TMEM131L: variants seen among roughly 807,000 people sequenced by gnomAD.
TMEM131L encodes the protein transmembrane 131 like.
A neutral mutation model predicts 192.2 loss-of-function variants in TMEM131L; 54 were observed. The observed-to-expected ratio is 0.28, with a 90% CI of 0.23 to 0.35. TMEM131L has a LOEUF of 0.35. Ranked by LOEUF, TMEM131L falls within the 10% of genes least tolerant of loss-of-function variation. The probability of loss-of-function intolerance (pLI) is 1.00; values close to 1 mark genes in which losing one functional copy is unlikely to be tolerated. For missense variants in TMEM131L, 1,888 were observed against 1,972.9 expected, an observed-to-expected ratio of 0.96 and a Z score of 0.82; for synonymous variants, 701 against 704.9, an observed-to-expected ratio of 0.99 and a Z score of 0.09.
chr4:153,496,001 A>G (rs1733145662), intron 3 of TMEM131L, among the ~76,000 whole-genome samples: 1 of 152,306 alleles, frequency 6.6e-6, no homozygotes, highest in African/African-American at 2.4e-5. Flanking sequence ...CCCTGGCCAG[A>G]AAAGAAGTCT....
intron 29 of TMEM131L, among the ~76,000 whole-genome samples, chr4:153,624,451 A>G (rs749172210): frequency 1.1e-4 from 16 of 152,198 alleles, no homozygotes; most frequent in Admixed American, 3.3e-4. Flanking sequence ...CTTTACATCT[A>G]TATGAAGATG....
chr4:153,610,626 C>A (rs889199185), intron 25 of TMEM131L, among the ~76,000 whole-genome samples: 6 of 152,112 alleles, frequency 3.9e-5, no homozygotes, highest in Non-Finnish European at 7.4e-5. Flanking sequence ...TTCTGTTAAC[C>A]AAATAAAAGT....
intron 31 of TMEM131L, among the ~76,000 whole-genome samples, chr4:153,629,019 T>C (rs570638400): frequency 1.3e-5 from 2 of 152,156 alleles, no homozygotes; most frequent in African/African-American, 4.8e-5. Context: ...CCTGATCCAT[T>C]GTTACAGTCA....
intron 3 of TMEM131L, among the ~76,000 whole-genome samples, chr4:153,507,812 G>A (rs1734090561): frequency 6.6e-6 from 1 of 152,128 alleles, no homozygotes; most frequent in Non-Finnish European, 1.5e-5. Flanking sequence ...GGTGCATCTA[G>A]TGGCCATGTT....
chr4:153,589,184 C>T (rs1458151758), intron 16 of TMEM131L, among the ~76,000 whole-genome samples, 177 bp downstream of exon 16: 1 of 152,062 alleles, frequency 6.6e-6, no homozygotes, highest in African/African-American at 2.4e-5. Flanking sequence ...CATAATTTCA[C>T]AAATAGAAGA....
intron 3 of TMEM131L, among the ~76,000 whole-genome samples, chr4:153,533,905 AAAAG>A (rs1736111706): frequency 6.6e-6 from 1 of 152,228 alleles, no homozygotes; most frequent in Non-Finnish European, 1.5e-5. Flanking sequence ...TTTAAGCTGA[AAAAG>A]AAATATAACC....
At chr4:153,566,038 A>G (rs903514314) in intron 7 of TMEM131L, among the ~76,000 whole-genome samples, 1 of 152,170 alleles carries the variant, frequency 6.6e-6, no homozygotes, top group Non-Finnish European at 1.5e-5. Flanking sequence ...TTAGCCATAT[A>G]CTTTGTCTGA....
chr4:153,471,265 T>G (rs1731142020), intron 2 of TMEM131L, among the ~76,000 whole-genome samples: 1 of 152,148 alleles, frequency 6.6e-6, no homozygotes, highest in South Asian at 2.1e-4. Context: ...AGATTACAGG[T>G]GTGAGTCACC....
intron 7 of TMEM131L, among the ~76,000 whole-genome samples, chr4:153,570,738 C>T (rs1241511142): frequency 6.6e-6 from 1 of 152,156 alleles, no homozygotes; most frequent in African/African-American, 2.4e-5. Context: ...GGGTGGTTTC[C>T]ATTGCCTCTC....
chr4:153,627,298 G>T (rs915301402), intron 30 of TMEM131L, among the ~76,000 whole-genome samples: 4 of 152,092 alleles, frequency 2.6e-5, no homozygotes, highest in African/African-American at 9.7e-5. Flanking sequence ...AATACAGACA[G>T]GTGGCTACCT....
intron 3 of TMEM131L, among the ~76,000 whole-genome samples, chr4:153,501,577 G>A (rs1454847250): frequency 6.6e-6 from 1 of 152,010 alleles, no homozygotes; most frequent in Non-Finnish European, 1.5e-5. Flanking sequence ...GGAGTCTCAG[G>A]GTATGTGTGC....
rs1729134728 is a variant in TMEM131L, at chr4:153,565,552, C to G, written c.660+7184C>G. Among the ~76,000 whole-genome samples, 3 of 152,186 alleles carry G rather than the reference C, an allele frequency of 2.0e-5. No individual in the cohort carries two copies. The South Asian group carries it at 6.2e-4, about 32-fold the overall frequency. On this transcript the variant is annotated intron_variant, in intron 7 of 34. Coordinates refer to ENST00000409959, the MANE Select transcript of TMEM131L (RefSeq NM_001131007.2). Reference sequence around the variant, plus strand: ...ACATTTTGGTCCTTGGCAGTGCCAGCTCAGTATGCTTTAAATTTTTCCCAA... The same window carrying G: ...ACATTTTGGTCCTTGGCAGTGCCAGGTCAGTATGCTTTAAATTTTTCCCAA...
At chr4:153,629,897 A>G (rs1053298109) in intron 31 of TMEM131L, among the ~76,000 whole-genome samples, 13 of 152,148 alleles carry the variant, frequency 8.5e-5, no homozygotes, top group African/African-American at 3.1e-4. Flanking sequence ...TGGTGATCTC[A>G]TCCACTTTCA....
At chr4:153,470,911 A>G (rs1043985352) in intron 2 of TMEM131L, among the ~76,000 whole-genome samples, 9 of 149,392 alleles carry the variant, frequency 6.0e-5, no homozygotes, top group African/African-American at 1.7e-4. Context: ...GTCCTTCCTG[A>G]CTCCTGCCCT....
chr4:153,597,954 T>TA (rs1003546061), intron 20 of TMEM131L, among the ~76,000 whole-genome samples: 4 of 151,320 alleles, frequency 2.6e-5, no homozygotes, highest in African/African-American at 7.3e-5. Flanking sequence ...AATAAAAATT[T>TA]AAAAAAAAAT....
chr4:153,623,222 T>G (rs1349742640), intron 29 of TMEM131L, 139 bp downstream of exon 29: 5 of 669,716 alleles, frequency 7.5e-6, no homozygotes, highest in Non-Finnish European at 1.1e-5. Flanking sequence ...TGCTTTGGAC[T>G]TACTCACTTT....
intron 3 of TMEM131L, among the ~76,000 whole-genome samples, chr4:153,502,548 A>G (rs1228734529): frequency 6.6e-6 from 1 of 152,210 alleles, no homozygotes; most frequent in Non-Finnish European, 1.5e-5. Flanking sequence ...ATTATGTGTA[A>G]ACTAATCATT....
rs1049669441 is a variant in TMEM131L, at chr4:153,627,637, C to T, written c.4157C>T (p.Pro1386Leu). 6 of 1,614,026 alleles carry T rather than the reference C, an allele frequency of 3.7e-6. No individual in the cohort carries two copies. In the South Asian group the frequency reaches 4.4e-5, roughly 12 times the overall value. Reference sequence around the variant, plus strand: ...AATAGTCTCCCACAATACGCAGAGCCTTCCTGTCCCAGCCTTCCTGCCGGG... The same window carrying T: ...AATAGTCTCCCACAATACGCAGAGCTTTCCTGTCCCAGCCTTCCTGCCGGG... ...TVNSLPQYAE[P>L]SCPSLPAGPT... Residue 1386 changes from proline (P) to leucine (L), a missense_variant, in exon 31 of 35, where the codon CCT becomes CTT. Physicochemically the swap from Pro to Leu is moderately conservative, Grantham distance 98 (BLOSUM62 -3). Coordinates refer to ENST00000409959, the MANE Select transcript of TMEM131L (RefSeq NM_001131007.2).
At chr4:153,485,368 G>T (rs1335771662) in intron 3 of TMEM131L, among the ~76,000 whole-genome samples, 1 of 152,014 alleles carries the variant, frequency 6.6e-6, no homozygotes, top group Non-Finnish European at 1.5e-5. Context: ...ACATGGCTCC[G>T]AATGATACAT....
Sources: allele counts gnomAD v4.1 joint callset (sites outside exome capture counted in the v4.1 genomes callset), GRCh38; gene constraint gnomAD v4.1.1; transcripts MANE v1.5; gene names NCBI Gene and HGNC (gene_info 2026-07-23, HGNC 2026-07-21).